The following CXCL13 variants were observed in gnomAD, a reference collection of about 807,000 sequenced individuals.
CXCL13 encodes the protein C-X-C motif chemokine 13.
CXCL13 carries 7 observed loss-of-function variants against 12.2 expected under a neutral mutation model. That is an observed-to-expected ratio of 0.57 (90% CI 0.33 to 1.07). The LOEUF is 1.07. Among genes scored for constraint, CXCL13 ranks in the 50% least tolerant of loss-of-function variants. The pLI, the probability that CXCL13 is intolerant of heterozygous loss-of-function variation, is 0.04. For synonymous variants in CXCL13, 47 were observed against 42.4 expected, an observed-to-expected ratio of 1.11 and a Z score of -0.42; for missense variants, 113 against 127.4, an observed-to-expected ratio of 0.89 and a Z score of 0.55.
intron 1 of CXCL13, among the ~76,000 whole-genome samples, chr4:77,571,914 A>G (rs1726093586): frequency 6.6e-6 from 1 of 151,588 alleles, no homozygotes; most frequent in Admixed American, 6.6e-5. Context: ...GGAGGAATGA[A>G]CAACTCCAGA....
intron 1 of CXCL13, among the ~76,000 whole-genome samples, chr4:77,568,337 G>C (rs1366644776): frequency 6.6e-6 from 1 of 152,128 alleles, no homozygotes; most frequent in Non-Finnish European, 1.5e-5. Flanking sequence ...CCCATTGTCT[G>C]GGTGCCCCAT....
chr4:77,552,896 G>T (rs765376812), intron 1 of CXCL13, among the ~76,000 whole-genome samples: 4 of 152,180 alleles, frequency 2.6e-5, no homozygotes, highest in Non-Finnish European at 4.4e-5. Flanking sequence ...GTTGATCCAG[G>T]CCAGGGGGTA....
intron 1 of CXCL13, among the ~76,000 whole-genome samples, chr4:77,518,850 T>A (rs961518811): frequency 6.6e-6 from 1 of 152,218 alleles, no homozygotes; most frequent in Non-Finnish European, 1.5e-5. Context: ...TGCGATCCTT[T>A]GGAGAAGGAG....
chr4:77,529,791 G>A (rs1237223149), intron 1 of CXCL13, among the ~76,000 whole-genome samples: 1 of 152,046 alleles, frequency 6.6e-6, no homozygotes, highest in East Asian at 1.9e-4. Flanking sequence ...TGATTGCCCT[G>A]GCCAGAACTT....
chr4:77,513,058 T>G lies in CXCL13; in HGVS notation c.-43+1270T>G, dbSNP rs575388033. On this transcript the variant is annotated intron_variant, in intron 1 of 4. Transcript: ENST00000286758. ...GTTTTCTGTCCTCGTGATAGTTTGCTGAGAATGATGGTTTCCACCTTCACC... is the reference window on the plus strand; with the variant it reads ...GTTTTCTGTCCTCGTGATAGTTTGCGGAGAATGATGGTTTCCACCTTCACC... 3.3e-5 allele frequency among the ~76,000 whole-genome samples: 5 copies of G among 152,268 alleles called. No homozygotes were observed. In the South Asian group the frequency reaches 1.0e-3, roughly 32 times the overall value.
At chr4:77,567,317 T>G (rs1293093151) in intron 1 of CXCL13, among the ~76,000 whole-genome samples, 1 of 152,228 alleles carries the variant, frequency 6.6e-6, no homozygotes, top group African/African-American at 2.4e-5. Flanking sequence ...TTAAAAAGTT[T>G]TACTGCTCAC....
intron 1 of CXCL13, among the ~76,000 whole-genome samples, chr4:77,542,868 G>C (rs1047904154): frequency 7.2e-5 from 11 of 152,108 alleles, no homozygotes; most frequent in Non-Finnish European, 1.2e-4. Flanking sequence ...TCAGGGTGAT[G>C]CTAGCTTTGT....
At chr4:77,536,243 T>G (rs1459102863) in intron 1 of CXCL13, among the ~76,000 whole-genome samples, 2 of 152,220 alleles carry the variant, frequency 1.3e-5, no homozygotes, top group Non-Finnish European at 2.9e-5. Flanking sequence ...GTAAAGTAGA[T>G]GGCATGAAAG....
intron 1 of CXCL13, among the ~76,000 whole-genome samples, chr4:77,578,474 C>G (rs1218925799): frequency 6.6e-6 from 1 of 152,116 alleles, no homozygotes; most frequent in Non-Finnish European, 1.5e-5. Flanking sequence ...ATGCAGGAGG[C>G]AGATAAGGGG....
chr4:77,539,650 T>G (rs566396673), intron 1 of CXCL13, among the ~76,000 whole-genome samples: 70 of 152,216 alleles, frequency 4.6e-4, no homozygotes, highest in Non-Finnish European at 8.2e-4. Flanking sequence ...CCAGTTAAAC[T>G]CCACCATTTT....
chr4:77,555,625 A>T (rs1725640276), intron 1 of CXCL13, among the ~76,000 whole-genome samples: 1 of 152,136 alleles, frequency 6.6e-6, no homozygotes, highest in Non-Finnish European at 1.5e-5. Context: ...GATTTCTTAG[A>T]TATCACATAA....
chr4:77,570,008 A>G (rs1726029769), intron 1 of CXCL13, among the ~76,000 whole-genome samples: 1 of 152,234 alleles, frequency 6.6e-6, no homozygotes, highest in Admixed American at 6.5e-5. Flanking sequence ...AAAACTGACA[A>G]AAACAAGCAA....
chr4:77,554,805 G>A (rs1243619067), intron 1 of CXCL13, among the ~76,000 whole-genome samples: 5 of 151,996 alleles, frequency 3.3e-5, no homozygotes, highest in Non-Finnish European at 1.5e-5. Context: ...ATCCACAAAT[G>A]TTTGGAGATT....
intron 1 of CXCL13, among the ~76,000 whole-genome samples, chr4:77,560,313 C>T (rs1725775856): frequency 6.6e-6 from 1 of 152,188 alleles, no homozygotes; most frequent in South Asian, 2.1e-4. Flanking sequence ...GAACCCAGAT[C>T]TGACTCCAAA....
At chr4:77,584,112 A>G (rs1726398259) in intron 1 of CXCL13, among the ~76,000 whole-genome samples, 1 of 152,218 alleles carries the variant, frequency 6.6e-6, no homozygotes. Context: ...GATTTAGGAC[A>G]TTGCATTCAA....
At chr4:77,526,895 T>A (rs1444727347) in intron 1 of CXCL13, among the ~76,000 whole-genome samples, 1 of 152,106 alleles carries the variant, frequency 6.6e-6, no homozygotes, top group East Asian at 1.9e-4. Context: ...ACAGGGCCAC[T>A]CTTCTTCCTG....
chr4:77,563,947 A>T (rs1418985285), intron 1 of CXCL13, among the ~76,000 whole-genome samples: 3 of 152,152 alleles, frequency 2.0e-5, no homozygotes, highest in Non-Finnish European at 2.9e-5. Context: ...GTTTTTCCAT[A>T]TGCTGATGTT....
At chr4:77,541,734 T>C (rs1725210915) in intron 1 of CXCL13, among the ~76,000 whole-genome samples, 1 of 152,198 alleles carries the variant, frequency 6.6e-6, no homozygotes, top group African/African-American at 2.4e-5. Flanking sequence ...TTAGAGTAGT[T>C]TTTTCTAGTT....
At position 77,541,354 on chromosome 4, in the gene CXCL13, C is replaced by T. The variant is rs187333698; in HGVS notation, c.-43+29566C>T. 1.6e-3 allele frequency among the ~76,000 whole-genome samples: 243 copies of T among 152,160 alleles called. 1 individual carries two copies. Among genetic ancestry groups the T allele is most frequent in the African/African-American group, 5.2e-3 (215 of 41,544 alleles). On this transcript the variant is annotated intron_variant, in intron 1 of 4. Coordinates refer to the CXCL13 transcript ENST00000286758. Reference sequence around the variant, plus strand: ...AGGCTGATGTCCAGAATGGTGGTTCCTAGGTTTTCTTCCAGGATTCTTAAT... The same window carrying T: ...AGGCTGATGTCCAGAATGGTGGTTCTTAGGTTTTCTTCCAGGATTCTTAAT...
Sources: allele counts gnomAD v4.1 joint callset (sites outside exome capture counted in the v4.1 genomes callset), GRCh38; gene constraint gnomAD v4.1.1; transcripts MANE v1.5; gene names NCBI Gene and HGNC (gene_info 2026-07-23, HGNC 2026-07-21).